FBXL7: variants seen among roughly 807,000 people sequenced by gnomAD.
FBXL7 encodes F-box/LRR-repeat protein 7.
FBXL7 carries 12 observed loss-of-function variants against 38.3 expected under a neutral mutation model. That is an observed-to-expected ratio of 0.31 (90% CI 0.20 to 0.51). The LOEUF is 0.51. Among genes scored for constraint, FBXL7 ranks in the 20% least tolerant of loss-of-function variants. The pLI is 0.98. For missense variants in FBXL7, 567 were observed against 676.4 expected (o/e 0.84, Z 1.79); for synonymous variants, 297 against 300.9 (o/e 0.99, Z 0.13).
At chr5:15,633,161 A>G (rs1002075212) in intron 2 of FBXL7, among the ~76,000 whole-genome samples, 1 of 152,122 alleles carries the variant, frequency 6.6e-6, no homozygotes, top group African/African-American at 2.4e-5. Context: ...ATATTTCATG[A>G]GGTTATCAGT....
At chr5:15,754,170 A>G (rs1006290276) in intron 2 of FBXL7, among the ~76,000 whole-genome samples, 1 of 152,160 alleles carries the variant, frequency 6.6e-6, no homozygotes, top group Non-Finnish European at 1.5e-5. Flanking sequence ...GAATCACTGG[A>G]TTGGATGATT....
intron 1 of FBXL7, among the ~76,000 whole-genome samples, chr5:15,520,577 T>C (rs1291411050): frequency 6.6e-6 from 1 of 152,220 alleles, no homozygotes; most frequent in Non-Finnish European, 1.5e-5. Flanking sequence ...TATCCTGTAG[T>C]TTTAGTTAGT....
At chr5:15,842,773 A>C (rs1449063340) in intron 2 of FBXL7, among the ~76,000 whole-genome samples, 1 of 152,172 alleles carries the variant, frequency 6.6e-6, no homozygotes, top group Admixed American at 6.5e-5. Context: ...GTTTGCCACT[A>C]TGTAAGACGT....
chr5:15,798,445 T>C (rs1181447400), intron 2 of FBXL7, among the ~76,000 whole-genome samples: 3 of 152,240 alleles, frequency 2.0e-5, no homozygotes, highest in African/African-American at 7.2e-5. Context: ...TGAATTTCCT[T>C]CAGCACTGAA....
chr5:15,840,709 C>T (rs1039147506), intron 2 of FBXL7, among the ~76,000 whole-genome samples: 6 of 151,706 alleles, frequency 4.0e-5, no homozygotes, highest in South Asian at 4.2e-4. Context: ...TAGCTGGGCA[C>T]GGTGGCACGC....
Position 15,928,263 on chromosome 5 carries a change from C to T in FBXL7, c.501C>T (p.Asp167=). The T allele has an allele frequency of 6.2e-7, 1 of 1,612,330 alleles. No individual in the cohort carries two copies. The change falls in exon 3 of 4, where the codon GAC becomes GAT. Residue 167 remains aspartate (D), a synonymous_variant. Coordinates refer to ENST00000504595, the MANE Select transcript of FBXL7 (RefSeq NM_012304.5). The surrounding 1 kb of genome is among the most constrained non-coding windows in gnomAD (Gnocchi z 4.0). ...IRLTGETINV[D]RALKVLTRRL... Reference sequence around the variant, plus strand: ...TGACGGGCGAGACCATCAACGTGGACCGCGCCCTCAAGGTGCTGACCCGCA... The same window carrying T: ...TGACGGGCGAGACCATCAACGTGGATCGCGCCCTCAAGGTGCTGACCCGCA...
At chr5:15,935,131 G>A in intron 3 of FBXL7, 1 of 534,098 alleles carries the variant, frequency 1.9e-6, no homozygotes, top group Non-Finnish European at 3.9e-6. Flanking sequence ...TGACAAGCAG[G>A]CCAGTGGCGT....
chr5:15,864,435 G>A (rs183991758), intron 2 of FBXL7, among the ~76,000 whole-genome samples: 31 of 151,198 alleles, frequency 2.1e-4, no homozygotes, highest in Admixed American at 1.2e-3. Context: ...ACTCAGCCTA[G>A]GTATTCCTTT....
chr5:15,729,237 A>G (rs1735508958), intron 2 of FBXL7, among the ~76,000 whole-genome samples: 1 of 152,132 alleles, frequency 6.6e-6, no homozygotes. Flanking sequence ...GTGCCTTCAT[A>G]TATTTGGGTG....
At chr5:15,622,185 A>G (rs973600935) in intron 2 of FBXL7, among the ~76,000 whole-genome samples, 5 of 152,100 alleles carry the variant, frequency 3.3e-5, no homozygotes, top group African/African-American at 4.8e-5. Flanking sequence ...TATTTGCTCA[A>G]TAAATACTGA....
chr5:15,585,760 A>C (rs1739280332), intron 1 of FBXL7, among the ~76,000 whole-genome samples: 1 of 152,196 alleles, frequency 6.6e-6, no homozygotes, highest in South Asian at 2.1e-4. Flanking sequence ...TTTATGTTAG[A>C]GTTGTATCAT....
In FBXL7 at chr5:15,936,021, C is replaced by A. The variant is rs143863915; in HGVS notation, c.740-429C>A. 6.6e-6 allele frequency among the ~76,000 whole-genome samples: 1 copy of A among 152,282 alleles called. No individual in the cohort carries two copies. Among genetic ancestry groups the A allele is most frequent in the African/African-American group, 2.4e-5 (1 of 41,556 alleles). ...TCCAAACCAGGGCAGCTCAAGAACTCACTTTTACTGAGCTCCTGGAACTTT... is the reference window on the plus strand; with the variant it reads ...TCCAAACCAGGGCAGCTCAAGAACTAACTTTTACTGAGCTCCTGGAACTTT... On this transcript the variant is annotated intron_variant, in intron 3 of 3. Coordinates refer to ENST00000504595, the MANE Select transcript of FBXL7 (RefSeq NM_012304.5). This position sits in a 1 kb window ranked among gnomAD's most constrained non-coding sequence, Gnocchi z 6.0.
chr5:15,867,360 C>G (rs548920352), intron 2 of FBXL7, among the ~76,000 whole-genome samples: 1 of 152,298 alleles, frequency 6.6e-6, no homozygotes, highest in South Asian at 2.1e-4. Flanking sequence ...CTCAAACACA[C>G]GTCCTACAGA....
intron 2 of FBXL7, among the ~76,000 whole-genome samples, chr5:15,731,344 G>A (rs1735578494): frequency 1.3e-5 from 2 of 152,006 alleles, no homozygotes; most frequent in African/African-American, 4.8e-5. Context: ...TACATGGATA[G>A]CGACAGGCAA....
chr5:15,871,552 T>G (rs1445216688), intron 2 of FBXL7, among the ~76,000 whole-genome samples: 1 of 152,058 alleles, frequency 6.6e-6, no homozygotes, highest in African/African-American at 2.4e-5. Context: ...CTAAGAACCT[T>G]GATAAAAGGT....
chr5:15,626,745 C>CA (rs1167054928), intron 2 of FBXL7, among the ~76,000 whole-genome samples: 1 of 151,824 alleles, frequency 6.6e-6, no homozygotes, highest in African/African-American at 2.4e-5. Context: ...TTGCCATTTC[C>CA]AAAAAAAGCA....
intron 2 of FBXL7, among the ~76,000 whole-genome samples, chr5:15,905,990 A>G (rs1277304604): frequency 6.6e-6 from 1 of 152,046 alleles, no homozygotes; most frequent in African/African-American, 2.4e-5. Context: ...AGTATATAAA[A>G]TATCAACGTA....
chr5:15,548,328 G>A (rs1737973968), intron 1 of FBXL7, among the ~76,000 whole-genome samples: 1 of 152,150 alleles, frequency 6.6e-6, no homozygotes, highest in South Asian at 2.1e-4. Context: ...TCATTTTGAT[G>A]TTTATGTTCT....
chr5:15,927,364 A>G (rs1741901828), intron 2 of FBXL7, among the ~76,000 whole-genome samples: 1 of 152,100 alleles, frequency 6.6e-6, no homozygotes, highest in Non-Finnish European at 1.5e-5. Flanking sequence ...TGCTTTCTGG[A>G]ATGGGCGACA....
Sources: gnomAD v4.1 joint callset for allele counts (sites outside exome capture counted in the v4.1 genomes callset) on GRCh38, gnomAD v4.1.1 for gene constraint, Gnocchi (gnomAD v3.1) non-coding constraint, MANE v1.5 for transcripts, NCBI Gene and HGNC (gene_info 2026-07-23, HGNC 2026-07-21) for gene names.